The following DSP variants were observed in gnomAD, a reference collection of about 807,000 sequenced individuals.
DSP encodes 250/210 kDa paraneoplastic pemphigus antigen.
DSP carries 114 observed loss-of-function variants against 290.6 expected under a neutral mutation model. That is an observed-to-expected ratio of 0.39 (90% CI 0.34 to 0.46). The LOEUF (loss-of-function observed/expected upper bound fraction) is 0.46, where lower values mean the gene tolerates loss of function less well. Among genes scored for constraint, DSP ranks in the 20% least tolerant of loss-of-function variants. The pLI is 0.99. For missense variants in DSP, 3,230 were observed against 3,495.8 expected, an observed-to-expected ratio of 0.92 and a Z score of 1.92; for synonymous variants, 1,311 against 1,316.4, an observed-to-expected ratio of 1.00 and a Z score of 0.09.
intron 1 of DSP, 148 bp from the exon 2 acceptor site, chr6:7,555,570 C>A: frequency 1.4e-6 from 1 of 710,618 alleles, no homozygotes; most frequent in Non-Finnish European, 2.5e-6. Flanking sequence ...ATAAAAGAAA[C>A]ACAACAAAAT....
Position 7,585,295 on chromosome 6 carries a change from G to A in DSP, c.8033G>A (p.Gly2678Asp), listed in dbSNP as rs771462741. ...KLSLQDAVSQ[G>D]VIDQDMATRL... ...TCACTTCAGGACGCAGTCTCCCAGG[G>A]TGTGATTGACCAAGACATGGCCACC... The change falls in exon 24 of 24, where the codon GGT (glycine) becomes GAT (aspartate). Residue 2678 changes from glycine (G) to aspartate (D), a missense_variant. Around this residue, in one of 5 missense-constraint regions of DSP, gnomAD observed 582 missense variants for 555.4 expected, o/e 1.05. Transcript: ENST00000379802. The A allele has an allele frequency of 6.2e-7, 1 of 1,614,150 alleles. No individual in the cohort carries two copies. The highest frequency in any genetic ancestry group is 1.1e-5 in the South Asian group (1 of 91,068).
At position 7,578,488 on chromosome 6, in the gene DSP, A is replaced by G. The variant is rs1561696251; in HGVS notation, c.3010A>G (p.Ile1004Val). Reference protein sequence around the residue: ...QEAADVHARYIELLTRSGDYY... With the variant: ...QEAADVHARYVELLTRSGDYY... The stretch of plus-strand genomic sequence containing the variant: ...GGCTGCAGATGTTCATGCTCGGTAC[A>G]TTGAACTACTTACAAGATCTGGAGA... Residue 1004 changes from isoleucine to valine, a missense_variant, in exon 22 of 24, where the codon ATT becomes GTT. Around this residue, in one of 5 missense-constraint regions of DSP, gnomAD observed 1,714 missense variants for 1,844.5 expected, o/e 0.93. Transcript: ENST00000379802. The G allele has an allele frequency of 6.2e-7, 1 of 1,613,818 alleles. No homozygotes were observed. The highest frequency in any genetic ancestry group is 1.1e-5 in the South Asian group (1 of 91,062).
intron 6 of DSP, among the ~76,000 whole-genome samples, chr6:7,564,403 A>G (rs1267149095): frequency 6.6e-6 from 1 of 152,112 alleles, no homozygotes. Context: ...CTTGTTGGCA[A>G]TGATACTTTT....
intron 1 of DSP, among the ~76,000 whole-genome samples, chr6:7,551,918 C>T (rs1758354228): frequency 6.6e-6 from 1 of 152,148 alleles, no homozygotes; most frequent in African/African-American, 2.4e-5. Flanking sequence ...AGGTATATAC[C>T]TAGTTCCTTT....
rs1418395748 is a variant in DSP, at chr6:7,542,055, T to C, written c.140T>C (p.Val47Ala). The C allele has an allele frequency of 1.3e-6, 2 of 1,570,430 alleles. No homozygotes were observed. Among genetic ancestry groups the C allele is most frequent in the Non-Finnish European group, 1.7e-6 (2 of 1,158,334 alleles). ...TSRMYYSRRG[V>A]ITDQNSDGYC... ...AGGATGTACTATTCTCGGCGCGGCG[T>C]GATCACCGACCAGAACTCGGACGGC... Residue 47 changes from valine (V) to alanine (A), a missense_variant, in exon 1 of 24, where the codon GTG (valine) becomes GCG (alanine). Transcript: ENST00000379802.
intron 1 of DSP, among the ~76,000 whole-genome samples, chr6:7,549,797 A>G (rs2113644147): frequency 6.6e-6 from 1 of 152,294 alleles, no homozygotes; most frequent in East Asian, 1.9e-4. Context: ...AAGGAAGGAA[A>G]GGAGTCCAGT....
Position 7,541,843 on chromosome 6 carries a change from C to A in DSP, c.-73C>A, listed in dbSNP as rs1259777479. 43 of 1,522,026 alleles carry A rather than the reference C, an allele frequency of 2.8e-5. No homozygotes were observed. Among genetic ancestry groups the A allele is most frequent in the Non-Finnish European group, 1.5e-5 (17 of 1,133,764 alleles). 94.3% of individuals were successfully genotyped at this position (1,522,026 alleles called of 1,614,324 possible). ...CCGGCCGTCCGCCTATCCTTGGCCC[C>A]CTCCGCTTTCTCCGCGCCGGCCCGC... On this transcript the variant is annotated 5_prime_UTR_variant, in exon 1 of 24. Transcript: ENST00000379802.
At position 7,585,666 on chromosome 6, in the gene DSP, C is replaced by A. The variant is rs201271117; in HGVS notation, c.8404C>A (p.Leu2802Ile). The A allele has an allele frequency of 6.2e-7, 1 of 1,614,236 alleles. No homozygotes were observed. Among genetic ancestry groups the A allele is most frequent in the African/African-American group, 1.3e-5 (1 of 75,064 alleles). The change falls in exon 24 of 24, where the codon CTT becomes ATT. Residue 2802 changes from leucine to isoleucine, a missense_variant. Leu to Ile is a conservative substitution (Grantham distance 5). Around this residue, in one of 5 missense-constraint regions of DSP, gnomAD observed 582 missense variants for 555.4 expected, o/e 1.05. Transcript: ENST00000379802. ...GGTAGAAGATATCACTGGGCTGCGC[C>A]TTCTGGAAGCCGCCTCCGTGTCGTC... Reference protein sequence around the residue: ...SMVEDITGLRLLEAASVSSKG... With the variant: ...SMVEDITGLRILEAASVSSKG...
Position 7,585,832 on chromosome 6 carries a change from C to A in DSP, c.8570C>A (p.Ser2857Tyr), listed in dbSNP as rs571269935. 2 of 1,613,706 alleles carry A rather than the reference C, an allele frequency of 1.2e-6. No homozygotes were observed. The highest frequency in any genetic ancestry group is 8.5e-7 in the Non-Finnish European group (1 of 1,179,924). The change falls in exon 24 of 24, where the codon TCC becomes TAC. Residue 2857 changes from serine to tyrosine, a missense_variant. Ser to Tyr is a moderately radical substitution (Grantham distance 144). This residue lies in a region of DSP where 582 missense variants were observed against 555.4 expected (regional missense o/e 1.05). Transcript: ENST00000379802. ...RGSFDATGNSSYSYSYSFSSS... is the reference protein window; with the variant it reads ...RGSFDATGNSYYSYSYSFSSS... ...AGCTTTGACGCCACAGGGAATTCTT[C>A]CTACTCTTATTCCTACTCATTTAGC...
In DSP at chr6:7,572,063, C is replaced by G; in HGVS notation, c.2125C>G (p.Leu709Val). The G allele has an allele frequency of 1.2e-6, 2 of 1,613,642 alleles. No individual in the cohort carries two copies. Among genetic ancestry groups the G allele is most frequent in the South Asian group, 2.2e-5 (2 of 91,068 alleles). Residue 709 changes from leucine to valine, a missense_variant, in exon 15 of 24, where the codon CTT (leucine) becomes GTT (valine). Physicochemically the swap from Leu to Val is conservative, Grantham distance 32. This residue lies in a region of DSP where 1,714 missense variants were observed against 1,844.5 expected (regional missense o/e 0.93). Coordinates refer to ENST00000379802, the MANE Select transcript of DSP (RefSeq NM_004415.4). ...SHHITVKINELKSVQNDSQAI... is the reference protein window; with the variant it reads ...SHHITVKINEVKSVQNDSQAI... ...CCACATCACAGTGAAAATTAACGAG[C>G]TTAAGGTAGGTATCTGCTAGTATTT... is the stretch of plus-strand genomic sequence containing the variant.
In DSP at chr6:7,559,382, G is replaced by C. The variant is rs758226754; in HGVS notation, c.579G>C (p.Gly193=). 3 of 1,612,810 alleles carry C rather than the reference G, an allele frequency of 1.9e-6. No homozygotes were observed. In the South Asian group the frequency reaches 3.3e-5, roughly 18 times the overall value. ...AACATGTCACCAGTGAATGTTTGGGGTGGATGAGGCAGCAAAGGGTAAGCA... is the reference window on the plus strand; with the variant it reads ...AACATGTCACCAGTGAATGTTTGGGCTGGATGAGGCAGCAAAGGGTAAGCA... ...FTKHVTSECL[G]WMRQQRAEMD... is the part of the protein sequence containing the mutation. The change falls in exon 4 of 24, where the codon GGG becomes GGC. Residue 193 remains glycine, a synonymous_variant. Coordinates refer to ENST00000379802, the MANE Select transcript of DSP (RefSeq NM_004415.4).
intron 1 of DSP, among the ~76,000 whole-genome samples, chr6:7,542,947 G>C (rs1398275231): frequency 6.6e-6 from 1 of 152,078 alleles, no homozygotes; most frequent in South Asian, 2.1e-4. Flanking sequence ...GAGTGGGGGG[G>C]TGGGAGAGGA....
rs1484456213 is a variant in DSP at position 7,583,605 on chromosome 6, T to C, written c.6343T>C (p.Leu2115=). 1 of 1,613,860 alleles carries C rather than the reference T, an allele frequency of 6.2e-7. No homozygotes were observed. The highest frequency in any genetic ancestry group is 1.3e-5 in the African/African-American group (1 of 74,840). Residue 2115 remains leucine (L), a synonymous_variant, in exon 24 of 24, where the codon TTG becomes CTG. Coordinates refer to ENST00000379802, the MANE Select transcript of DSP (RefSeq NM_004415.4). This position sits in a 1 kb window ranked among gnomAD's most constrained non-coding sequence, Gnocchi z 4.0. Reference sequence around the variant, plus strand: ...TGTTTCAGAAGCCATCAAGAAAAATTTGATTGATAGAGAAACCGGAATGCG... The same window carrying C: ...TGTTTCAGAAGCCATCAAGAAAAATCTGATTGATAGAGAAACCGGAATGCG... ...VSVSEAIKKN[L]IDRETGMRLL...
rs765831604 is a variant in DSP, at chr6:7,576,398, T to C, written c.2735T>C (p.Leu912Ser). Residue 912 changes from leucine (L) to serine (S), a missense_variant, in exon 19 of 24, where the codon TTA (leucine) becomes TCA (serine). By Grantham distance (145) the Leu-to-Ser change is moderately radical (BLOSUM62 -2). This residue lies in a region of DSP where 1,714 missense variants were observed against 1,844.5 expected (regional missense o/e 0.93). Coordinates refer to ENST00000379802, the MANE Select transcript of DSP (RefSeq NM_004415.4). ...GATGCTAAACGCCGCCAGGATTCCT[T>C]AGAATCCATGAAATTTGGAGATTCC... ...LYDAKRRQDS[L>S]ESMKFGDSNT... is the part of the protein sequence containing the mutation. 1.1e-5 allele frequency: 17 copies of C among 1,614,132 alleles called. No individual in the cohort carries two copies. Among genetic ancestry groups the C allele is most frequent in the Middle Eastern group, 1.7e-4 (1 of 6,060 alleles).
Position 7,584,514 on chromosome 6 carries a change from C to A in DSP, c.7252C>A (p.Pro2418Thr). ...TGATGATACCAAAGGATTTTTTGAC[C>A]CCAACACTGAAGAAAATCTTACCTA... ...PSDDTKGFFD[P>T]NTEENLTYLQ... Residue 2418 changes from proline (P) to threonine (T), a missense_variant, in exon 24 of 24, where the codon CCC (proline) becomes ACC (threonine). Transcript: ENST00000379802. This position sits in a 1 kb window ranked among gnomAD's most constrained non-coding sequence, Gnocchi z 6.4. 1.2e-6 allele frequency: 2 copies of A among 1,613,948 alleles called. No individual in the cohort carries two copies. Among genetic ancestry groups the A allele is most frequent in the Non-Finnish European group, 1.7e-6 (2 of 1,179,970 alleles).
intron 1 of DSP, among the ~76,000 whole-genome samples, chr6:7,548,452 T>C (rs1006854939): frequency 1.3e-5 from 2 of 151,996 alleles, no homozygotes; most frequent in African/African-American, 4.8e-5. Context: ...GATGTCACTT[T>C]AAGTTGCTCA....
At position 7,579,730 on chromosome 6, in the gene DSP, A is replaced by C. The variant is rs555514197; in HGVS notation, c.3540A>C (p.Glu1180Asp). ...EIERLRVLLQ[E>D]EGTRKREYEN... is the part of the protein sequence containing the mutation. ...AAAGGTTGAGGGTTCTACTGCAGGA[A>C]GAAGGCACCCGGAAGAGAGAATATG... Residue 1180 changes from glutamate to aspartate, a missense_variant, in exon 23 of 24, where the codon GAA (glutamate) becomes GAC (aspartate). Physicochemically the swap from Glu to Asp is conservative, Grantham distance 45 (BLOSUM62 2). This residue lies in a region of DSP where 1,714 missense variants were observed against 1,844.5 expected (regional missense o/e 0.93). Coordinates refer to ENST00000379802, the MANE Select transcript of DSP (RefSeq NM_004415.4). This position sits in a 1 kb window ranked among gnomAD's most constrained non-coding sequence, Gnocchi z 4.1. The C allele has an allele frequency of 1.9e-6, 3 of 1,613,810 alleles. No homozygotes were observed. Among genetic ancestry groups the C allele is most frequent in the Non-Finnish European group, 1.7e-6 (2 of 1,179,824 alleles).
intron 2 of DSP, among the ~76,000 whole-genome samples, chr6:7,556,270 A>G (rs1561679653): frequency 1.3e-5 from 2 of 152,204 alleles, no homozygotes; most frequent in African/African-American, 2.4e-5. Context: ...AAAAATGGGG[A>G]AAAATAGGCA....
chr6:7,585,546 C>G lies in DSP; in HGVS notation c.8284C>G (p.Gln2762Glu), dbSNP rs376703565. 1 of 1,614,196 alleles carries G rather than the reference C, an allele frequency of 6.2e-7. No individual in the cohort carries two copies. Among genetic ancestry groups the G allele is most frequent in the Middle Eastern group, 1.6e-4 (1 of 6,062 alleles). The change falls in exon 24 of 24, where the codon CAG (glutamine) becomes GAG (glutamate). Residue 2762 changes from glutamine (Q) to glutamate (E), a missense_variant. Transcript: ENST00000379802. ...GGGGTTCATAGATGGCCGCGCCGCA[C>G]AGAGGCTGCAAGACACCAGCAGCTA... ...RKGFIDGRAA[Q>E]RLQDTSSYAK... is the part of the protein sequence containing the mutation.
Sources: gnomAD v4.1 joint callset for allele counts (sites outside exome capture counted in the v4.1 genomes callset) on GRCh38, gnomAD v4.1.1 for gene constraint, gnomAD v4.1.1 regional missense constraint, Gnocchi (gnomAD v3.1) non-coding constraint, MANE v1.5 for transcripts, NCBI Gene and HGNC (gene_info 2026-07-23, HGNC 2026-07-21) for gene names.